The following TENM4 variants were observed in gnomAD, a reference collection of about 807,000 sequenced individuals.
TENM4 encodes the protein teneurin transmembrane protein 4.
A neutral mutation model predicts 243.3 loss-of-function variants in TENM4; 82 were observed. The ratio of observed to expected loss-of-function variants is 0.34; its 90% CI spans 0.28 to 0.40. The LOEUF (loss-of-function observed/expected upper bound fraction) is 0.40. Ranked by LOEUF, TENM4 falls within the 10% of genes least tolerant of loss-of-function variation. The probability of loss-of-function intolerance (pLI) is 1.00; values close to 1 mark genes in which losing one functional copy is unlikely to be tolerated. For synonymous variants in TENM4, 1,412 were observed against 1,456.3 expected, an observed-to-expected ratio of 0.97 and a Z score of 0.69; for missense variants, 3,138 against 3,673.3, an observed-to-expected ratio of 0.85 and a Z score of 3.77.
At chr11:78,841,289 C>A (rs1476319192) in intron 12 of TENM4, among the ~76,000 whole-genome samples, 5 of 152,176 alleles carry the variant, frequency 3.3e-5, no homozygotes. Flanking sequence ...GGCTTCAAAT[C>A]CATTCTCTAA....
chr11:78,763,656 A>C (rs939958504), intron 18 of TENM4, among the ~76,000 whole-genome samples: 5 of 152,168 alleles, frequency 3.3e-5, no homozygotes, highest in Non-Finnish European at 7.3e-5. Context: ...GGGAGAAAGA[A>C]ATCCAAGCTA....
At chr11:78,854,377 C>A (rs559774167) in intron 11 of TENM4, 63 bp from the exon 12 acceptor site, 1 of 1,392,622 alleles carries the variant, frequency 7.2e-7, no homozygotes, top group East Asian at 2.6e-5. Context: ...GCGTCCTTCC[C>A]GGGGCTTCTC....
intron 1 of TENM4, among the ~76,000 whole-genome samples, chr11:79,431,538 A>C (rs540028989): frequency 1.3e-5 from 2 of 152,318 alleles, no homozygotes; most frequent in African/African-American, 4.8e-5. Context: ...TTGCTTACCT[A>C]AAAGGGTATA....
Position 78,860,578 on chromosome 11 carries a change from T to C in TENM4, c.1255+2384A>G, listed in dbSNP as rs573892880. Among the ~76,000 whole-genome samples the C allele has an allele frequency of 7.2e-5, 11 of 152,342 alleles. No homozygotes were observed. The East Asian group carries it at 2.1e-3, about 29-fold the overall frequency. On this transcript the variant is annotated intron_variant, in intron 10 of 33. Transcript: ENST00000278550. ...GTTAAAGACTTTCTGCATTGAGATATATCTAGGGGAATGCATTTTTAACAT... is the reference window on the plus strand; with the variant it reads ...GTTAAAGACTTTCTGCATTGAGATACATCTAGGGGAATGCATTTTTAACAT...
rs532304938 is a variant in TENM4, at chr11:79,301,680, CG to C, written c.-320-4138del. 2.3e-4 allele frequency among the ~76,000 whole-genome samples: 35 copies of C among 152,298 alleles called. 1 individual carries two copies. In the South Asian group the frequency reaches 7.0e-3, roughly 31 times the overall value. The stretch of plus-strand genomic sequence containing the variant: ...GAATTGTAATCCCCAATGCCACAGG[CG>C]GGGCCTAGTGAAAGGTGATTGGATC... On this transcript the variant is annotated intron_variant, in intron 1 of 33. Transcript: ENST00000278550.
chr11:79,312,798 C>T (rs1856743693), intron 1 of TENM4, among the ~76,000 whole-genome samples: 1 of 152,180 alleles, frequency 6.6e-6, no homozygotes, highest in Admixed American at 6.5e-5. Flanking sequence ...GTGGATCCAA[C>T]CCCTGCCAAG....
chr11:79,272,647 A>G (rs1855987946), intron 2 of TENM4, among the ~76,000 whole-genome samples: 2 of 152,022 alleles, frequency 1.3e-5, no homozygotes, highest in South Asian at 2.1e-4. Context: ...ACCAAGCCAC[A>G]CACACTCTGG....
At chr11:78,826,858 C>G (rs1445681021) in intron 12 of TENM4, among the ~76,000 whole-genome samples, 1 of 152,192 alleles carries the variant, frequency 6.6e-6, no homozygotes, top group African/African-American at 2.4e-5. Context: ...GGAATAATCT[C>G]TTCTCATTTA....
At chr11:78,925,525 T>G (rs1213162474) in intron 6 of TENM4, among the ~76,000 whole-genome samples, 1 of 152,080 alleles carries the variant, frequency 6.6e-6, no homozygotes, top group Non-Finnish European at 1.5e-5. Context: ...CTTGACAAAC[T>G]CCCACCCAAG....
intron 1 of TENM4, among the ~76,000 whole-genome samples, chr11:79,437,564 G>T (rs1035064961): frequency 6.6e-6 from 1 of 152,236 alleles, no homozygotes. Flanking sequence ...GGCCACCGAG[G>T]AGCCCAAAGT....
chr11:79,194,691 G>A (rs1863585051), intron 3 of TENM4, among the ~76,000 whole-genome samples: 1 of 152,152 alleles, frequency 6.6e-6, no homozygotes, highest in Non-Finnish European at 1.5e-5. Flanking sequence ...GAGGTGACTT[G>A]GGTACTGTTA....
chr11:79,021,921 G>C (rs1359947963), intron 6 of TENM4: 1 of 152,228 alleles, frequency 6.6e-6, no homozygotes, highest in South Asian at 2.1e-4. Flanking sequence ...CTTTGTCTTT[G>C]GGTTGAGCAA....
chr11:79,397,464 C>T (rs149050014), intron 1 of TENM4, among the ~76,000 whole-genome samples: 110 of 152,234 alleles, frequency 7.2e-4, no homozygotes, highest in Non-Finnish European at 1.3e-3. Context: ...CCCAGGAACC[C>T]CAAAGATGTG....
intron 2 of TENM4, among the ~76,000 whole-genome samples, chr11:79,259,468 C>T (rs189178784): frequency 2.3e-3 from 355 of 152,214 alleles, no homozygotes; most frequent in African/African-American, 8.3e-3. Context: ...TCTTCATCTA[C>T]CCAGCCATCT....
rs1392340266 is a variant in TENM4 at position 78,656,490 on chromosome 11, C to T, written c.*1568G>A. ...CTCCCAGCTCTGGCTGTGACTCCCC[C>T]TGCCCTCACTGCTCCCCCAGCCTGC... On this transcript the variant is annotated 3_prime_UTR_variant, in exon 34 of 34. Coordinates refer to ENST00000278550, the MANE Select transcript of TENM4 (RefSeq NM_001098816.3). 6.6e-6 allele frequency: 1 copy of T among 152,642 alleles called. No individual in the cohort carries two copies. The highest frequency in any genetic ancestry group is 6.5e-5 in the Admixed American group (1 of 15,284). 9.5% of individuals were successfully genotyped at this position (152,642 alleles called of 1,614,324 possible).
intron 6 of TENM4, among the ~76,000 whole-genome samples, chr11:79,023,476 C>T (rs367566033): frequency 3.3e-5 from 5 of 151,038 alleles, no homozygotes; most frequent in South Asian, 2.1e-4. Context: ...GCAGGAGAAT[C>T]GCTTGAACCT....
intron 30 of TENM4, 136 bp from the exon 31 acceptor site, chr11:78,672,465 A>G (rs1330684546): frequency 1.1e-6 from 1 of 894,248 alleles, no homozygotes; most frequent in Admixed American, 2.8e-5. Context: ...AGCAACAGAC[A>G]TGGGTTTGAA....
chr11:78,942,769 C>T (rs1856928963), intron 6 of TENM4, among the ~76,000 whole-genome samples: 1 of 150,866 alleles, frequency 6.6e-6, no homozygotes, highest in Admixed American at 6.6e-5. Flanking sequence ...TTGCCTCCCT[C>T]TCCCCCTCCT....
In TENM4 at chr11:79,321,267, G is replaced by A. The variant is rs533367958; in HGVS notation, c.-320-23724C>T. On this transcript the variant is annotated intron_variant, in intron 1 of 33. Transcript: ENST00000278550. ...TGAGATGTTTCCTACACTAACAGGA[G>A]GAGAAAAGTGCTGCCTTCAGACTCA... 2.6e-5 allele frequency among the ~76,000 whole-genome samples: 4 copies of A among 152,260 alleles called. No individual in the cohort carries two copies. The South Asian group carries it at 6.2e-4, about 24-fold the overall frequency.
Sources: gnomAD v4.1 joint callset for allele counts (sites outside exome capture counted in the v4.1 genomes callset) on GRCh38, gnomAD v4.1.1 for gene constraint, MANE v1.5 for transcripts, NCBI Gene and HGNC (gene_info 2026-07-23, HGNC 2026-07-21) for gene names.